Variants in ZDHHC7 observed in about 807,000 individuals in gnomAD.
ZDHHC7 encodes the protein palmitoyltransferase ZDHHC7.
In ZDHHC7, 12 loss-of-function variants were observed where a neutral mutation model predicts 34.1. That is an observed-to-expected ratio of 0.35 (90% confidence interval 0.23 to 0.57). ZDHHC7 has a LOEUF of 0.57. Among genes scored for constraint, ZDHHC7 ranks in the 20% least tolerant of loss-of-function variants. ZDHHC7 has a pLI of 0.84. For synonymous variants in ZDHHC7, 185 were observed against 155.4 expected (o/e 1.19, Z -1.42); for missense variants, 388 against 402.7 (o/e 0.96, Z 0.31).
intron 1 of ZDHHC7, among the ~76,000 whole-genome samples, chr16:85,004,657 C>T (rs2072695293): frequency 6.9e-6 from 1 of 145,666 alleles, no homozygotes; most frequent in South Asian, 2.1e-4. Context: ...TGGAATGTTA[C>T]TCATAGTATC....
At position 84,985,294 on chromosome 16, in the gene ZDHHC7, C is replaced by A. The variant is rs116628383; in HGVS notation, c.316-3300G>T. 8.5e-3 allele frequency among the ~76,000 whole-genome samples: 1,301 copies of A among 152,368 alleles called. 23 individuals are homozygous for A. Among genetic ancestry groups the A allele is most frequent in the African/African-American group, 0.03 (1,252 of 41,588 alleles). On this transcript the variant is annotated intron_variant, in intron 3 of 7. Coordinates refer to ENST00000313732, the MANE Select transcript of ZDHHC7 (RefSeq NM_017740.3). The stretch of plus-strand genomic sequence containing the variant: ...AGGCAAGGCGCTCTGTGCCACCTCG[C>A]CCTTCCAGGGCAGTTAGGCTTCGCA...
intron 2 of ZDHHC7, among the ~76,000 whole-genome samples, chr16:84,994,434 G>A (rs2072550174): frequency 6.6e-6 from 1 of 152,220 alleles, no homozygotes; most frequent in African/African-American, 2.4e-5. Flanking sequence ...ATGAGAAAAG[G>A]AAGGGTGCTT....
chr16:85,006,192 A>C (rs2072714964), intron 1 of ZDHHC7, among the ~76,000 whole-genome samples: 1 of 151,920 alleles, frequency 6.6e-6, no homozygotes, highest in Admixed American at 6.6e-5. Context: ...CCCTATCTCT[A>C]CAAAAAAAAT....
intron 1 of ZDHHC7, among the ~76,000 whole-genome samples, chr16:85,000,113 C>T (rs1434349115): frequency 6.6e-5 from 10 of 151,704 alleles, no homozygotes; most frequent in Admixed American, 6.6e-4. Flanking sequence ...GCACTCCAGC[C>T]TGGGCAACAA....
intron 1 of ZDHHC7, among the ~76,000 whole-genome samples, chr16:85,009,184 T>C (rs1164145711): frequency 1.3e-5 from 2 of 152,096 alleles, no homozygotes; most frequent in Non-Finnish European, 2.9e-5. Context: ...ACTTTCTACA[T>C]GAACTTATTT....
chr16:85,000,237 C>T (rs2072636017), intron 1 of ZDHHC7, among the ~76,000 whole-genome samples: 1 of 152,146 alleles, frequency 6.6e-6, no homozygotes, highest in South Asian at 2.1e-4. Context: ...CAGGTATGTA[C>T]GGCCGGTGTG....
At chr16:84,986,035 C>CT (rs1445036636) in intron 3 of ZDHHC7, among the ~76,000 whole-genome samples, 1 of 149,332 alleles carries the variant, frequency 6.7e-6, no homozygotes, top group East Asian at 2.0e-4. Flanking sequence ...AAATACATTG[C>CT]TTTACATGAG....
At chr16:85,010,024 C>A (rs1184768269) in intron 1 of ZDHHC7, among the ~76,000 whole-genome samples, 1 of 148,544 alleles carries the variant, frequency 6.7e-6, no homozygotes, top group Admixed American at 6.8e-5. Flanking sequence ...TGACTTTTAA[C>A]AAGCGAATTT....
At chr16:85,003,952 C>A (rs182939625) in intron 1 of ZDHHC7, among the ~76,000 whole-genome samples, 80 of 152,218 alleles carry the variant, frequency 5.3e-4, no homozygotes, top group African/African-American at 1.7e-3. Flanking sequence ...AGCACCCGGG[C>A]TTAGTCCTCG....
chr16:84,994,839 C>T (rs1409037265), intron 2 of ZDHHC7, among the ~76,000 whole-genome samples: 1 of 152,156 alleles, frequency 6.6e-6, no homozygotes, highest in Non-Finnish European at 1.5e-5. Context: ...TTATTTTCAA[C>T]AAAGCAACAA....
chr16:84,977,661 T>C (rs191165594), intron 6 of ZDHHC7, among the ~76,000 whole-genome samples: 177 of 152,300 alleles, frequency 1.2e-3, no homozygotes, highest in African/African-American at 4.1e-3. Context: ...TTGCTTAGGG[T>C]CGGTCACTCA....
At chr16:84,996,952 C>T (rs1203998765) in intron 1 of ZDHHC7, among the ~76,000 whole-genome samples, 3 of 151,038 alleles carry the variant, frequency 2.0e-5, no homozygotes, top group Non-Finnish European at 4.4e-5. Flanking sequence ...CTTGAACCCA[C>T]GAGGCGGAGG....
the ZDHHC7 span, among the ~76,000 whole-genome samples, chr16:85,026,273 C>G: frequency 3.3e-5 from 5 of 152,218 alleles, no homozygotes; most frequent in African/African-American, 4.8e-5. Flanking sequence ...CCCATGAATT[C>G]TACAAGATGG....
chr16:85,026,108 A>G, the ZDHHC7 span, among the ~76,000 whole-genome samples: 1 of 152,210 alleles, frequency 6.6e-6, no homozygotes, highest in Non-Finnish European at 1.5e-5. Context: ...CCTAAAACAG[A>G]ATCTGACTCT....
the ZDHHC7 span, among the ~76,000 whole-genome samples, chr16:85,019,228 C>T: frequency 6.6e-6 from 1 of 152,210 alleles, no homozygotes; most frequent in South Asian, 2.1e-4. Context: ...TACTCCTTGC[C>T]ACATCTCACG....
At chr16:85,003,500 T>C (rs1474993625) in intron 1 of ZDHHC7, among the ~76,000 whole-genome samples, 2 of 152,196 alleles carry the variant, frequency 1.3e-5, no homozygotes, top group African/African-American at 4.8e-5. Flanking sequence ...TCATGAAATA[T>C]TCAGTTTGTC....
At chr16:84,992,004 C>T (rs1394906202) in intron 2 of ZDHHC7, among the ~76,000 whole-genome samples, 3 of 151,644 alleles carry the variant, frequency 2.0e-5, no homozygotes, top group Admixed American at 6.6e-5. Context: ...GGTGAAACCC[C>T]GTCTCTACTA....
chr16:85,024,792 A>C, the ZDHHC7 span, among the ~76,000 whole-genome samples: 1 of 152,150 alleles, frequency 6.6e-6, no homozygotes, highest in Non-Finnish European at 1.5e-5. Flanking sequence ...AGATCTGATC[A>C]ATCCAGTTAT....
In ZDHHC7 at chr16:84,988,955, C is replaced by T; in HGVS notation, c.315+1349G>A. On this transcript the variant is annotated intron_variant, in intron 3 of 7. Transcript: ENST00000313732. Reference sequence around the variant, plus strand: ...CCTCTCCTTTGTCGAAGTGCCTGGGCACTTTGGGCAACAAACAAGGGGTTT... The same window carrying T: ...CCTCTCCTTTGTCGAAGTGCCTGGGTACTTTGGGCAACAAACAAGGGGTTT... The T allele has an allele frequency of 2.2e-6, 3 of 1,381,030 alleles. No homozygotes were observed. In the South Asian group the frequency reaches 3.8e-5, roughly 17 times the overall value. The allele number at this position is 1,381,030 out of a possible 1,614,324, so 85.5% of individuals were successfully genotyped here.
Sources: gnomAD v4.1 joint callset for allele counts (sites outside exome capture counted in the v4.1 genomes callset) on GRCh38, gnomAD v4.1.1 for gene constraint, MANE v1.5 for transcripts, NCBI Gene and HGNC (gene_info 2026-07-23, HGNC 2026-07-21) for gene names.